RBM19: variants seen among roughly 807,000 people sequenced by gnomAD.
The protein encoded by RBM19 is probable RNA-binding protein 19.
In RBM19, 94 loss-of-function variants were observed where a neutral mutation model predicts 116.8. The ratio of observed to expected loss-of-function variants is 0.80; its 90% confidence interval spans 0.68 to 0.95. The LOEUF is 0.95. RBM19 is among the 40% of genes least tolerant of loss of function. The pLI, the probability that RBM19 is intolerant of heterozygous loss-of-function variation, is 0.00. For missense variants in RBM19, 1,161 were observed against 1,220.7 expected (o/e 0.95, Z 0.73); for synonymous variants, 475 against 494.1 (o/e 0.96, Z 0.51).
chr12:113,858,376 G>A lies in RBM19; in HGVS notation c.2664+415C>T, dbSNP rs10444485. Among the ~76,000 whole-genome samples the A allele has an allele frequency of 2.2e-3, 334 of 152,318 alleles. 1 individual carries two copies. Among genetic ancestry groups the A allele is most frequent in the Non-Finnish European group, 3.8e-3 (256 of 68,038 alleles). ...AAAAGGAAGGGGAAGACGCATTCCC[G>A]TGGCTGCTTCTTGGGTGTCTCCTAC... On this transcript the variant is annotated intron_variant, in intron 22 of 23. Coordinates refer to ENST00000261741, the MANE Select transcript of RBM19 (RefSeq NM_016196.4).
Position 113,942,351 on chromosome 12 carries a change from G to A in RBM19, c.1710C>T (p.Asn570=), listed in dbSNP as rs151021629. The change falls in exon 14 of 24, where the codon AAC becomes AAT. Residue 570 remains asparagine (N), a synonymous_variant. Transcript: ENST00000261741. ...GGCTGAAGGAATCCAGGCTGACCCC[G>A]TTGTCTATGAGAAAACGCCGCACTT... ...VQEVRRFLID[N]GVSLDSFSQA... 2.0e-5 allele frequency: 32 copies of A among 1,607,724 alleles called. No individual in the cohort carries two copies. Among genetic ancestry groups the A allele is most frequent in the East Asian group, 6.7e-5 (3 of 44,844 alleles).
At chr12:113,824,690 A>C (rs913634624) in intron 23 of RBM19, among the ~76,000 whole-genome samples, 1 of 151,890 alleles carries the variant, frequency 6.6e-6, no homozygotes, top group Non-Finnish European at 1.5e-5. Flanking sequence ...TGGCCCAGAG[A>C]TGAAGACTTG....
At chr12:113,836,580 G>A (rs142136969) in intron 23 of RBM19, among the ~76,000 whole-genome samples, 52 of 152,196 alleles carry the variant, frequency 3.4e-4, no homozygotes, top group African/African-American at 1.2e-3. Flanking sequence ...GAGTCTGGGC[G>A]TGGAGCATAA....
intron 22 of RBM19, among the ~76,000 whole-genome samples, chr12:113,854,888 T>G (rs1217613225): frequency 6.6e-6 from 1 of 152,116 alleles, no homozygotes; most frequent in Admixed American, 6.5e-5. Context: ...CAGGTTGGGG[T>G]GGGGCAGTGC....
At chr12:113,924,563 G>C in intron 18 of RBM19, 134 bp downstream of exon 18, 1 of 805,148 alleles carries the variant, frequency 1.2e-6, no homozygotes, top group Non-Finnish European at 2.1e-6. Context: ...GGCTGACCAT[G>C]CTTCAGAAAA....
chr12:113,830,911 C>T (rs1358055679), intron 23 of RBM19, among the ~76,000 whole-genome samples: 1 of 152,150 alleles, frequency 6.6e-6, no homozygotes. Context: ...ATAGTGGTGT[C>T]TGTACCAGGC....
At chr12:113,853,416 C>T (rs1877628236) in intron 22 of RBM19, among the ~76,000 whole-genome samples, 1 of 152,212 alleles carries the variant, frequency 6.6e-6, no homozygotes, top group Admixed American at 6.5e-5. Flanking sequence ...TTTAAAACAA[C>T]AGCAGCGGTG....
At chr12:113,866,953 C>T (rs555105630) in intron 21 of RBM19, among the ~76,000 whole-genome samples, 98 of 152,368 alleles carry the variant, frequency 6.4e-4, no homozygotes, top group African/African-American at 2.3e-3. Context: ...TTGGGTACCA[C>T]GTCCTACATT....
intron 21 of RBM19, among the ~76,000 whole-genome samples, chr12:113,876,491 CAAG>C (rs1207487164): frequency 6.6e-6 from 1 of 152,098 alleles, no homozygotes; most frequent in Non-Finnish European, 1.5e-5. Flanking sequence ...AGTGAGTATT[CAAG>C]AAGAAGTAAA....
chr12:113,947,346 C>T lies in RBM19; in HGVS notation c.1395G>A (p.Gly465=). The change falls in exon 11 of 24, where the codon GGG becomes GGA. Residue 465 remains glycine (G), a synonymous_variant. Coordinates refer to ENST00000261741, the MANE Select transcript of RBM19 (RefSeq NM_016196.4). ...GACGGGGCCTCACCTGGAATACCTG[C>T]CCGTCCACCTCCGAGTAGGCCTTCA... ...HAVKAYSEVD[G]QVFQGRMLHV... is the part of the protein sequence containing the mutation. 1.3e-6 allele frequency: 2 copies of T among 1,596,710 alleles called. No homozygotes were observed. The highest frequency in any genetic ancestry group is 1.7e-6 in the Non-Finnish European group (2 of 1,165,942).
At chr12:113,837,643 A>C (rs536461040) in intron 23 of RBM19, among the ~76,000 whole-genome samples, 31 of 152,318 alleles carry the variant, frequency 2.0e-4, no homozygotes, top group African/African-American at 6.3e-4. Flanking sequence ...TTCAGGTAAA[A>C]TGCAAGGGGC....
intron 21 of RBM19, among the ~76,000 whole-genome samples, chr12:113,908,305 G>A (rs1882200688): frequency 6.6e-6 from 1 of 152,124 alleles, no homozygotes; most frequent in Non-Finnish European, 1.5e-5. Context: ...GTGACCCCAT[G>A]CCTGTGTGGG....
At chr12:113,836,558 A>T (rs1875908513) in intron 23 of RBM19, among the ~76,000 whole-genome samples, 1 of 152,096 alleles carries the variant, frequency 6.6e-6, no homozygotes, top group African/African-American at 2.4e-5. Context: ...AACCTGGATA[A>T]GCAGAGAGCT....
intron 1 of RBM19, among the ~76,000 whole-genome samples, chr12:113,964,350 T>G (rs1165586995): frequency 2.6e-5 from 4 of 152,218 alleles, no homozygotes; most frequent in Admixed American, 2.0e-4. Context: ...TTACTTTACC[T>G]AAAGCACCTG....
chr12:113,940,272 G>A, intron 14 of RBM19, 112 bp from the exon 15 acceptor site: 2 of 1,122,578 alleles, frequency 1.8e-6, no homozygotes, highest in Admixed American at 2.2e-5. Flanking sequence ...TGGAACCTCA[G>A]CAACCAGGCA....
At chr12:113,853,909 C>T (rs562688499) in intron 22 of RBM19, among the ~76,000 whole-genome samples, 9 of 152,078 alleles carry the variant, frequency 5.9e-5, no homozygotes, top group Non-Finnish European at 1.3e-4. Flanking sequence ...TCTTGGCCTT[C>T]CTCCAAAGTG....
rs11301787 is a variant in RBM19 at position 113,918,142 on chromosome 12, G to GA, written c.2441+249dup. Among the ~76,000 whole-genome samples, 1,395 of 147,496 alleles carry GA rather than the reference G, an allele frequency of 9.5e-3. 28 individuals carry two copies. Among genetic ancestry groups the GA allele is most frequent in the African/African-American group, 0.033 (1,329 of 39,828 alleles). On this transcript the variant is annotated intron_variant, in intron 20 of 23. Coordinates refer to ENST00000261741, the MANE Select transcript of RBM19 (RefSeq NM_016196.4). ...TTCCTTTTCTTATTAAAAAAAAAAA[G>GA]AAAAAAAAAAGCCCCTGTGCATTAA... is the stretch of plus-strand genomic sequence containing the variant.
At chr12:113,868,642 T>C (rs952972726) in intron 21 of RBM19, among the ~76,000 whole-genome samples, 6 of 152,170 alleles carry the variant, frequency 3.9e-5, no homozygotes, top group Non-Finnish European at 5.9e-5. Context: ...GGAAAGCTAT[T>C]AGCATCTCTC....
At chr12:113,952,657 G>A in intron 7 of RBM19, 67 bp from the exon 8 acceptor site, 1 of 1,280,316 alleles carries the variant, frequency 7.8e-7, no homozygotes, top group Non-Finnish European at 1.1e-6. Context: ...GAAAAGACAT[G>A]GGGCAAATTT....
Sources: allele counts gnomAD v4.1 joint callset (sites outside exome capture counted in the v4.1 genomes callset), GRCh38; gene constraint gnomAD v4.1.1; transcripts MANE v1.5; gene names NCBI Gene and HGNC (gene_info 2026-07-23, HGNC 2026-07-21).